CELSR1: variants seen among roughly 807,000 people sequenced by gnomAD.
CELSR1 encodes the protein cadherin EGF LAG seven-pass G-type receptor 1, also known as adhesion G protein-coupled receptor C1.
A neutral mutation model predicts 249.1 loss-of-function variants in CELSR1; 110 were observed. The ratio of observed to expected loss-of-function variants is 0.44; its 90% CI spans 0.38 to 0.52. CELSR1 has a LOEUF of 0.52. Ranked by LOEUF, CELSR1 falls within the 20% of genes least tolerant of loss-of-function variation. The pLI, the probability that CELSR1 is intolerant of heterozygous loss-of-function variation, is 0.00. For missense variants in CELSR1, 4,109 were observed against 4,296.4 expected (o/e 0.96, Z 1.22); for synonymous variants, 2,113 against 1,900.0 (o/e 1.11, Z -2.92).
In CELSR1 at chr22:46,399,590, G is replaced by A. The variant is rs769481101; in HGVS notation, c.5412+127C>T. 1.7e-5 allele frequency: 15 copies of A among 880,470 alleles called. No individual in the cohort carries two copies. The highest frequency in any genetic ancestry group is 3.5e-4 in the Middle Eastern group (1 of 2,822). 54.5% of individuals were successfully genotyped at this position (880,470 alleles called of 1,614,324 possible). A position where few individuals can be genotyped will look rare whatever the true frequency, so the allele number is the denominator to read the frequency against. On this transcript the variant is annotated intron_variant, in intron 10 of 34. Transcript: ENST00000674500. The surrounding 1 kb of genome is among the most constrained non-coding windows in gnomAD (Gnocchi z 5.0). ...GGCAGAACAGAAGCCCACCTGCGGG[G>A]ACCCAGAAAGTGCCTCCCCAAATCC...
chr22:46,474,676 A>T (rs2080189373), intron 1 of CELSR1, among the ~76,000 whole-genome samples: 1 of 151,682 alleles, frequency 6.6e-6, no homozygotes, highest in Non-Finnish European at 1.5e-5. Flanking sequence ...AACAGAACTT[A>T]TTCCTGCCAT....
rs1225981556 is a variant in CELSR1 at position 46,397,847 on chromosome 22, C to G, written c.5528G>C (p.Gly1843Ala). 1 of 1,557,852 alleles carries G rather than the reference C, an allele frequency of 6.4e-7. No homozygotes were observed. The highest frequency in any genetic ancestry group is 8.7e-7 in the Non-Finnish European group (1 of 1,148,980). The change falls in exon 12 of 35, where the codon GGA (glycine) becomes GCA (alanine). Residue 1843 changes from glycine (G) to alanine (A), a missense_variant and splice_region_variant. Coordinates refer to ENST00000674500, the MANE Select transcript of CELSR1 (RefSeq NM_001378328.1). ...VRRGFRGCMQ[G>A]VRMGGTPTNV... is the part of the protein sequence containing the mutation. ...GGTGGGCGTCCCCCCCATCCTCACT[C>G]CCTGCATTAAGTAAACGGCACTGGG...
chr22:46,365,413 C>G lies in CELSR1; in HGVS notation c.8405-33G>C, dbSNP rs371011673. 413 of 1,607,736 alleles carry G rather than the reference C, an allele frequency of 2.6e-4. 4 individuals carry two copies. In the South Asian group the frequency reaches 4.3e-3, roughly 17 times the overall value. On this transcript the variant is annotated intron_variant, in intron 31 of 34. Coordinates refer to ENST00000674500, the MANE Select transcript of CELSR1 (RefSeq NM_001378328.1). The stretch of plus-strand genomic sequence containing the variant: ...TGCGCGGGGGACAGGGAGGCTCAGG[C>G]CCTGGGAGGTGAGGGAGTCCCACCG...
intron 2 of CELSR1, among the ~76,000 whole-genome samples, chr22:46,443,659 TCACACA>T (rs3056344): frequency 2.0e-4 from 30 of 151,722 alleles, no homozygotes; most frequent in African/African-American, 7.0e-4. Flanking sequence ...ATACACCTGT[TCACACA>T]CACACACATA....
In CELSR1 at chr22:46,396,504, A is replaced by G; in HGVS notation, c.5843+101T>C. 9 of 1,254,384 alleles carry G rather than the reference A, an allele frequency of 7.2e-6. No homozygotes were observed. Among genetic ancestry groups the G allele is most frequent in the Non-Finnish European group, 8.3e-6 (8 of 961,730 alleles). 77.7% of individuals were successfully genotyped at this position (1,254,384 alleles called of 1,614,324 possible). A position where few individuals can be genotyped will look rare whatever the true frequency, so the allele number is the denominator to read the frequency against. On this transcript the variant is annotated intron_variant, in intron 13 of 34. Coordinates refer to ENST00000674500, the MANE Select transcript of CELSR1 (RefSeq NM_001378328.1). This position sits in a 1 kb window ranked among gnomAD's most constrained non-coding sequence, Gnocchi z 6.4. Reference sequence around the variant, plus strand: ...ATATGTCCCTGTTACCCAGAATCACACATATCTTTGGGTCAAAATAAGAAA... The same window carrying G: ...ATATGTCCCTGTTACCCAGAATCACGCATATCTTTGGGTCAAAATAAGAAA...
intron 11 of CELSR1, 44 bp from the exon 12 acceptor site, chr22:46,397,892 GTA>G (rs1443313598): frequency 1.4e-6 from 2 of 1,440,014 alleles, no homozygotes; most frequent in East Asian, 2.6e-5. Flanking sequence ...GCCCGGAAAG[GTA>G]TGTAGGGGTT....
At chr22:46,403,917 G>A (rs1213928168) in intron 9 of CELSR1, among the ~76,000 whole-genome samples, 4 of 143,836 alleles carry the variant, frequency 2.8e-5, no homozygotes, top group Non-Finnish European at 1.5e-5. Flanking sequence ...AGGCTGCAGT[G>A]AGCTGAGATT....
At position 46,446,621 on chromosome 22, in the gene CELSR1, A is replaced by G. The variant is rs986460148; in HGVS notation, c.4184-7210T>C. Among the ~76,000 whole-genome samples the G allele has an allele frequency of 6.6e-6, 1 of 151,384 alleles. No homozygotes were observed. The highest frequency in any genetic ancestry group is 1.5e-5 in the Non-Finnish European group (1 of 67,868). On this transcript the variant is annotated intron_variant, in intron 2 of 34. Coordinates refer to ENST00000674500, the MANE Select transcript of CELSR1 (RefSeq NM_001378328.1). The surrounding 1 kb of genome is among the most constrained non-coding windows in gnomAD (Gnocchi z 5.5). The stretch of plus-strand genomic sequence containing the variant: ...GGGTCGCAGGGGGTCGGTGGGGGGG[A>G]AAGCTGGGTCCATAGCAGGTACTGA...
In CELSR1 at chr22:46,391,529, C is replaced by T. The variant is rs1602067331; in HGVS notation, c.6148+104G>A. 1 of 1,319,126 alleles carries T rather than the reference C, an allele frequency of 7.6e-7. No individual in the cohort carries two copies. Among genetic ancestry groups the T allele is most frequent in the Non-Finnish European group, 1.0e-6 (1 of 989,440 alleles). 81.7% of individuals were successfully genotyped at this position (1,319,126 alleles called of 1,614,324 possible). A position where few individuals can be genotyped will look rare whatever the true frequency, so the allele number is the denominator to read the frequency against. ...CAAGAGAACTCAGAACACGAGGGAG[C>T]CCAGGGTCCCCCAAACACCCAGCGT... On this transcript the variant is annotated intron_variant, in intron 15 of 34. Coordinates refer to ENST00000674500, the MANE Select transcript of CELSR1 (RefSeq NM_001378328.1). This position sits in a 1 kb window ranked among gnomAD's most constrained non-coding sequence, Gnocchi z 4.3.
Position 46,399,845 on chromosome 22 carries a change from C to A in CELSR1, c.5284G>T (p.Val1762Leu), listed in dbSNP as rs147770992. The A allele has an allele frequency of 3.8e-5, 61 of 1,614,024 alleles. No homozygotes were observed. The African/African-American group carries it at 7.6e-4, about 20-fold the overall frequency. The change falls in exon 10 of 35, where the codon GTG becomes TTG. Residue 1762 changes from valine (V) to leucine (L), a missense_variant. Physicochemically the swap from Val to Leu is conservative, Grantham distance 32 (BLOSUM62 1). Coordinates refer to ENST00000674500, the MANE Select transcript of CELSR1 (RefSeq NM_001378328.1). This position sits in a 1 kb window ranked among gnomAD's most constrained non-coding sequence, Gnocchi z 5.0. ...VSHGPSDVESVMLSGLRVTDG... is the reference protein window; with the variant it reads ...VSHGPSDVESLMLSGLRVTDG... ...GTCACCCGCAACCCGGACAGCATCA[C>A]GGACTCCACATCGGAGGGGCCGTGG...
intron 20 of CELSR1, among the ~76,000 whole-genome samples, chr22:46,383,703 A>G (rs2079003039): frequency 6.6e-6 from 1 of 151,614 alleles, no homozygotes; most frequent in Admixed American, 6.6e-5. Flanking sequence ...ATTAAAAAAA[A>G]CTTCTTTAGT....
chr22:46,460,016 G>T (rs1020011702), intron 2 of CELSR1, among the ~76,000 whole-genome samples: 1 of 152,314 alleles, frequency 6.6e-6, no homozygotes, highest in South Asian at 2.1e-4. Flanking sequence ...AGACCAGCCT[G>T]GCCAATATAG....
Position 46,397,831 on chromosome 22 carries a change from C to A in CELSR1, c.5544G>T (p.Gly1848=), listed in dbSNP as rs537639207. ...TCAGGGTGGCGACGTTGGTGGGCGT[C>A]CCCCCCATCCTCACTCCCTGCATTA... ...RGCMQGVRMG[G]TPTNVATLNM... Residue 1848 remains glycine (G), a synonymous_variant, in exon 12 of 35, where the codon GGG becomes GGT. Transcript: ENST00000674500. 6.4e-7 allele frequency: 1 copy of A among 1,570,822 alleles called. No homozygotes were observed. Among genetic ancestry groups the A allele is most frequent in the Non-Finnish European group, 8.6e-7 (1 of 1,156,504 alleles).
intron 19 of CELSR1, among the ~76,000 whole-genome samples, chr22:46,385,889 G>A (rs1300771668): frequency 2.6e-5 from 4 of 151,598 alleles, no homozygotes; most frequent in Non-Finnish European, 4.4e-5. Context: ...ATGTTAGCCA[G>A]GATGGTCTTG....
chr22:46,455,503 T>TA (rs2079937571), intron 2 of CELSR1, among the ~76,000 whole-genome samples: 1 of 152,194 alleles, frequency 6.6e-6, no homozygotes. Flanking sequence ...GTGATAGGAT[T>TA]ACAGAGGTTC....
rs147382552 is a variant in CELSR1 at position 46,399,007 on chromosome 22, C to T, written c.5413-370G>A. 9.0e-4 allele frequency among the ~76,000 whole-genome samples: 137 copies of T among 152,326 alleles called. No homozygotes were observed. Among genetic ancestry groups the T allele is most frequent in the Admixed American group, 4.2e-3 (64 of 15,298 alleles). On this transcript the variant is annotated intron_variant, in intron 10 of 34. Coordinates refer to ENST00000674500, the MANE Select transcript of CELSR1 (RefSeq NM_001378328.1). This position sits in a 1 kb window ranked among gnomAD's most constrained non-coding sequence, Gnocchi z 5.0. ...GAACGGAAATCCGCTCACTCATTAA[C>T]ACTGTGGGAACCCAAGAGGGTCTCG...
Position 46,533,877 on chromosome 22 carries a change from C to T in CELSR1, c.3294G>A (p.Pro1098=), listed in dbSNP as rs555754270. 1.7e-5 allele frequency: 27 copies of T among 1,613,662 alleles called. 1 individual carries two copies. The East Asian group carries it at 2.5e-4, about 15-fold the overall frequency. Residue 1098 remains proline, a synonymous_variant, in exon 1 of 35, where the codon CCG becomes CCA. Transcript: ENST00000674500. ...GGATCTGGAAGTCGGGCAGCACAGG[C>T]GGGTTGTCATTCTGGTCCACGAGAA... ...HILLVDQNDN[P]PVLPDFQILF...
Position 46,410,979 on chromosome 22 carries a change from G to A in CELSR1, c.4770-418C>T, listed in dbSNP as rs560788887. On this transcript the variant is annotated intron_variant, in intron 6 of 34. Coordinates refer to ENST00000674500, the MANE Select transcript of CELSR1 (RefSeq NM_001378328.1). The surrounding 1 kb of genome is among the most constrained non-coding windows in gnomAD (Gnocchi z 6.8). ...ACCCAGCACTTTGGGAGGCTGAGGC[G>A]GGCAGATCACGAGGTCAAGAGATCG... Among the ~76,000 whole-genome samples the A allele has an allele frequency of 6.6e-5, 10 of 152,182 alleles. No individual in the cohort carries two copies. Among genetic ancestry groups the A allele is most frequent in the South Asian group, 6.2e-4 (3 of 4,810 alleles).
intron 32 of CELSR1, 52 bp downstream of exon 32, chr22:46,365,179 C>T (rs1012787331): frequency 2.2e-5 from 34 of 1,575,330 alleles, no homozygotes; most frequent in Non-Finnish European, 2.7e-5. Context: ...AAGGCCTGCC[C>T]CGAGCCCGCT....
Sources: allele counts gnomAD v4.1 joint callset (sites outside exome capture counted in the v4.1 genomes callset), GRCh38; gene constraint gnomAD v4.1.1; non-coding constraint Gnocchi (gnomAD v3.1); transcripts MANE v1.5; gene names NCBI Gene and HGNC (gene_info 2026-07-23, HGNC 2026-07-21).